CDH23: variants seen among roughly 807,000 people sequenced by gnomAD.
CDH23 encodes the protein cadherin related 23.
Under a neutral mutation model 317.1 loss-of-function variants are expected in CDH23, and 189 were observed. That is an observed-to-expected ratio of 0.60 (90% CI 0.53 to 0.67). The LOEUF is 0.67. CDH23 is among the 30% of genes least tolerant of loss of function. The probability of loss-of-function intolerance (pLI) is 0.00; values close to 1 mark genes in which losing one functional copy is unlikely to be tolerated. For missense variants in CDH23, 4,401 were observed against 4,592.4 expected, an observed-to-expected ratio of 0.96 and a Z score of 1.20; for synonymous variants, 1,839 against 1,876.8, an observed-to-expected ratio of 0.98 and a Z score of 0.52.
intron 38 of CDH23, among the ~76,000 whole-genome samples, chr10:71,759,898 C>CAT (rs1365274288): frequency 0.018 from 911 of 50,554 alleles, 76 homozygotes; most frequent in Non-Finnish European, 0.02. Flanking sequence ...TACACACACA[C>CAT]ATATATACAC....
At chr10:71,692,674 A>G (rs1162601870) in intron 20 of CDH23, among the ~76,000 whole-genome samples, 1 of 152,196 alleles carries the variant, frequency 6.6e-6, no homozygotes, top group African/African-American at 2.4e-5. Flanking sequence ...CACAGACCAG[A>G]GGGCAAGCCA....
At chr10:71,547,173 C>A (rs1195833010) in intron 6 of CDH23, among the ~76,000 whole-genome samples, 1 of 152,118 alleles carries the variant, frequency 6.6e-6, no homozygotes, top group Non-Finnish European at 1.5e-5. Flanking sequence ...GATTGGAGAC[C>A]CAGAGAATAG....
At chr10:71,588,953 GTCCCA>G (rs1859273715) in intron 9 of CDH23, among the ~76,000 whole-genome samples, 1 of 152,124 alleles carries the variant, frequency 6.6e-6, no homozygotes, top group Non-Finnish European at 1.5e-5. Flanking sequence ...TGGGATCTGG[GTCCCA>G]TAGCTCCACT....
chr10:71,694,107 C>T, intron 20 of CDH23, 40 bp from the exon 21 acceptor site: 1 of 1,526,194 alleles, frequency 6.6e-7, no homozygotes, highest in Non-Finnish European at 9.1e-7. Flanking sequence ...CTCCCTGGCC[C>T]ACCCAAACCC....
rs1177197797 is a variant in CDH23 at position 71,812,516 on chromosome 10, C to G, written c.9417C>G (p.Asn3139Lys). 20 of 1,494,084 alleles carry G rather than the reference C, an allele frequency of 1.3e-5. No homozygotes were observed. Among genetic ancestry groups the G allele is most frequent in the Non-Finnish European group, 1.8e-5 (20 of 1,101,446 alleles). 92.6% of individuals were successfully genotyped at this position (1,494,084 alleles called of 1,614,324 possible). A position where few individuals can be genotyped will look rare whatever the true frequency, so the allele number is the denominator to read the frequency against. ...NPVWLDPFCR[N>K]LELAAQAEHE... ...TGTGGCTGGATCCCTTCTGTCGGAA[C>G]CTGGAGCTGGCCGCCCAGGCGGAGC... The change falls in exon 67 of 70, where the codon AAC becomes AAG. Residue 3139 changes from asparagine (N) to lysine (K), a missense_variant. Physicochemically the swap from Asn to Lys is moderately conservative, Grantham distance 94. Transcript: ENST00000224721.
intron 14 of CDH23, among the ~76,000 whole-genome samples, chr10:71,661,842 CCCTGCACGTCCCCTCCCA>C (rs1863679103): frequency 3.4e-5 from 2 of 58,216 alleles, no homozygotes; most frequent in Non-Finnish European, 8.1e-5. Flanking sequence ...CCCCCTCCCA[CCCTGCACGTCCCCTCCCA>C]CCCTGCACGT....
intron 52 of CDH23, 58 bp downstream of exon 52, chr10:71,799,687 T>C (rs1841504503): frequency 1.2e-6 from 2 of 1,610,460 alleles, no homozygotes; most frequent in African/African-American, 2.7e-5. Context: ...GGTCAGAGAC[T>C]GAGCAGCCAC....
chr10:71,401,396 T>C (rs1047506596), intron 1 of CDH23, among the ~76,000 whole-genome samples: 3 of 152,200 alleles, frequency 2.0e-5, no homozygotes, highest in Non-Finnish European at 2.9e-5. Flanking sequence ...AGTGGAGTAG[T>C]TGGTGCTCAG....
At chr10:71,551,072 GATTT>G (rs781018751) in intron 6 of CDH23, among the ~76,000 whole-genome samples, 3 of 152,342 alleles carry the variant, frequency 2.0e-5, no homozygotes, top group African/African-American at 7.2e-5. Context: ...CACTGTTACA[GATTT>G]ATTTGTCATT....
In CDH23 at chr10:71,811,953, A is replaced by T. The variant is rs1413322095; in HGVS notation, c.9320-2A>T. The T allele has an allele frequency of 6.4e-7, 1 of 1,560,992 alleles. No homozygotes were observed. ...TCCATGCCCCAACCCTTCTCCCTGC[A>T]GGGAATCGTGGCTTCATCGACATCA... is the stretch of plus-strand genomic sequence containing the variant. On this transcript the variant is annotated splice_acceptor_variant, in intron 65 of 69. Coordinates refer to ENST00000224721, the MANE Select transcript of CDH23 (RefSeq NM_022124.6). LOFTEE classifies it high-confidence loss of function.
chr10:71,619,482 T>C (rs1159216088), intron 11 of CDH23, among the ~76,000 whole-genome samples: 1 of 152,196 alleles, frequency 6.6e-6, no homozygotes, highest in Non-Finnish European at 1.5e-5. Flanking sequence ...GATGACTGTA[T>C]GAATGAGATG....
chr10:71,566,886 G>C lies in CDH23; in HGVS notation c.574G>C (p.Glu192Gln), dbSNP rs199514829. ...CCGCGGTATCGTCACAGTGATCCGG[G>C]AGCTGGACTACGAGACCACACAGGC... ...SARGIVTVIR[E>Q]LDYETTQAYQ... Residue 192 changes from glutamate to glutamine, a missense_variant, in exon 7 of 70, where the codon GAG (glutamate) becomes CAG (glutamine). Around this residue, in one of 3 missense-constraint regions of CDH23, gnomAD observed 3,068 missense variants for 3,203.3 expected, o/e 0.96. Transcript: ENST00000224721. 624 of 1,613,840 alleles carry C rather than the reference G, an allele frequency of 3.9e-4. 7 individuals carry two copies. The highest frequency in any genetic ancestry group is 2.8e-3 in the South Asian group (255 of 91,070).
At chr10:71,658,410 T>A (rs1564714757) in intron 14 of CDH23, among the ~76,000 whole-genome samples, 1 of 152,152 alleles carries the variant, frequency 6.6e-6, no homozygotes. Flanking sequence ...GGTCTGATGG[T>A]TTTCAGCTGA....
intron 3 of CDH23, among the ~76,000 whole-genome samples, chr10:71,496,013 T>C (rs1452513752): frequency 1.3e-5 from 2 of 152,172 alleles, no homozygotes; most frequent in Non-Finnish European, 2.9e-5. Context: ...ATAAATCTGT[T>C]TTTAATAGCT....
At chr10:71,461,349 G>A (rs1036446938) in intron 3 of CDH23, among the ~76,000 whole-genome samples, 1 of 152,220 alleles carries the variant, frequency 6.6e-6, no homozygotes, top group Non-Finnish European at 1.5e-5. Context: ...CACAGAAAGG[G>A]CCAGTTCTAT....
At position 71,598,195 on chromosome 10, in the gene CDH23, G is replaced by A. The variant is rs546140369; in HGVS notation, c.833-17309G>A. On this transcript the variant is annotated intron_variant, in intron 9 of 69. Transcript: ENST00000224721. ...CCTTGCTTGGGGTTTAGTGCTGGGA[G>A]GGAGAGTGAGTACATCTGGGCAGAG... Among the ~76,000 whole-genome samples, 3 of 152,348 alleles carry A rather than the reference G, an allele frequency of 2.0e-5. No individual in the cohort carries two copies. The South Asian group carries it at 6.2e-4, about 32-fold the overall frequency.
intron 1 of CDH23, among the ~76,000 whole-genome samples, chr10:71,401,676 AC>A (rs1301718928): frequency 6.6e-6 from 1 of 152,110 alleles, no homozygotes; most frequent in African/African-American, 2.4e-5. Context: ...AGTGGTGGGG[AC>A]TGGGGAGAAC....
chr10:71,536,000 C>G (rs1241629546), intron 6 of CDH23, among the ~76,000 whole-genome samples: 1 of 152,186 alleles, frequency 6.6e-6, no homozygotes, highest in Admixed American at 6.5e-5. Context: ...GATCTCCAGG[C>G]CTCGGGGCTG....
In CDH23 at chr10:71,677,575, G is replaced by C; in HGVS notation, c.1634G>C (p.Gly545Ala). The C allele has an allele frequency of 6.2e-7, 1 of 1,610,504 alleles. No individual in the cohort carries two copies. Among genetic ancestry groups the C allele is most frequent in the Non-Finnish European group, 8.5e-7 (1 of 1,178,764 alleles). Residue 545 changes from glycine to alanine, a missense_variant, in exon 16 of 70, where the codon GGC becomes GCC. Around this residue, in one of 3 missense-constraint regions of CDH23, gnomAD observed 3,068 missense variants for 3,203.3 expected, o/e 0.96. Coordinates refer to ENST00000224721, the MANE Select transcript of CDH23 (RefSeq NM_022124.6). ...GACGGGGGCGGCGAGGAGACCACAG[G>C]CCGGGTCAGGATCAATGTGTTGGAT... ...ARDGGGEETT[G>A]RVRINVLDVN...
Sources: allele counts gnomAD v4.1 joint callset (sites outside exome capture counted in the v4.1 genomes callset), GRCh38; gene constraint gnomAD v4.1.1; regional missense constraint gnomAD v4.1.1; transcripts MANE v1.5; gene names NCBI Gene and HGNC (gene_info 2026-07-23, HGNC 2026-07-21).